The following SLC2A13 variants were observed in gnomAD, a reference collection of about 807,000 sequenced individuals.
SLC2A13 encodes the protein solute carrier family 2 member 13.
In SLC2A13, 32 loss-of-function variants were observed where a neutral mutation model predicts 64.4. That is an observed-to-expected ratio of 0.50 (90% CI 0.37 to 0.67). The LOEUF is 0.67. SLC2A13 is among the 30% of genes least tolerant of loss of function. The pLI is 0.00. For synonymous variants in SLC2A13, 338 were observed against 327.1 expected, an observed-to-expected ratio of 1.03 and a Z score of -0.36; for missense variants, 743 against 829.2, an observed-to-expected ratio of 0.90 and a Z score of 1.28.
At position 40,028,498 on chromosome 12, in the gene SLC2A13, C is replaced by T. The variant is rs1947858296; in HGVS notation, c.728G>A (p.Gly243Glu). 6.2e-7 allele frequency: 1 copy of T among 1,613,464 alleles called. No individual in the cohort carries two copies. Residue 243 changes from glycine to glutamate, a missense_variant, in exon 3 of 10, where the codon GGA becomes GAA. This residue lies in a region of SLC2A13 where 448 missense variants were observed against 447.4 expected (regional missense o/e 1.00). Coordinates refer to ENST00000280871, the MANE Select transcript of SLC2A13 (RefSeq NM_052885.4). ...LQKDGWRYML[G>E]LAAVPAVIQF... The stretch of plus-strand genomic sequence containing the variant: ...TATAACCGCCGGAACTGCTGCAAGT[C>T]CCAACATGTACCTGCAAAGAAAAAA...
intron 1 of SLC2A13, among the ~76,000 whole-genome samples, chr12:40,050,878 T>C (rs1026069234): frequency 5.9e-5 from 9 of 152,170 alleles, no homozygotes; most frequent in African/African-American, 2.2e-4. Flanking sequence ...ATCTATAAAA[T>C]AGGAAGAATA....
chr12:39,901,841 G>A (rs1166668646), intron 4 of SLC2A13, among the ~76,000 whole-genome samples: 1 of 147,510 alleles, frequency 6.8e-6, no homozygotes, highest in Non-Finnish European at 1.5e-5. Context: ...CCCATTACTG[G>A]GTATATACCC....
chr12:40,049,054 A>T (rs1433676689), intron 1 of SLC2A13, among the ~76,000 whole-genome samples: 3 of 152,090 alleles, frequency 2.0e-5, no homozygotes, highest in African/African-American at 7.2e-5. Context: ...GATTTCTTAA[A>T]GTCTCACCCT....
chr12:40,072,251 C>G (rs1348978804), intron 1 of SLC2A13, among the ~76,000 whole-genome samples: 2 of 152,012 alleles, frequency 1.3e-5, no homozygotes, highest in Non-Finnish European at 2.9e-5. Flanking sequence ...TCCATTGTAG[C>G]CTAAGGACAG....
intron 4 of SLC2A13, among the ~76,000 whole-genome samples, chr12:39,890,574 T>C (rs1310256285): frequency 6.6e-6 from 1 of 152,234 alleles, no homozygotes; most frequent in African/African-American, 2.4e-5. Flanking sequence ...CTGTCAGATT[T>C]CTGACATACT....
At chr12:39,843,300 T>C (rs1481555197) in intron 6 of SLC2A13, among the ~76,000 whole-genome samples, 1 of 152,046 alleles carries the variant, frequency 6.6e-6, no homozygotes, top group Non-Finnish European at 1.5e-5. Flanking sequence ...AAATTGTTAA[T>C]TGAAGAATTT....
chr12:40,026,982 A>G (rs867759517), intron 3 of SLC2A13, among the ~76,000 whole-genome samples: 3 of 152,078 alleles, frequency 2.0e-5, no homozygotes, highest in Non-Finnish European at 4.4e-5. Flanking sequence ...CGGGAGGCCG[A>G]GGCAGGAGAA....
In SLC2A13 at chr12:39,757,403, C is replaced by T. The variant is rs1484250937; in HGVS notation, c.*2623G>A. The T allele has an allele frequency of 6.6e-6, 1 of 151,462 alleles. No individual in the cohort carries two copies. The highest frequency in any genetic ancestry group is 2.4e-5 in the African/African-American group (1 of 41,268). The allele number at this position is 151,462 out of a possible 1,614,324, so 9.4% of individuals were successfully genotyped here. On this transcript the variant is annotated 3_prime_UTR_variant, in exon 10 of 10. Transcript: ENST00000280871. ...ATGTTTCCAAGTTGATAGTGGTAGC[C>T]AAATATGCTGGGAACTTAAAAGGTG...
intron 1 of SLC2A13, among the ~76,000 whole-genome samples, chr12:40,091,162 C>A (rs562789965): frequency 6.6e-6 from 1 of 152,190 alleles, no homozygotes; most frequent in Admixed American, 6.5e-5. Context: ...AGAAAAGGTA[C>A]AGTAAAAATG....
intron 4 of SLC2A13, among the ~76,000 whole-genome samples, chr12:39,942,203 G>A (rs1946041850): frequency 6.6e-6 from 1 of 152,052 alleles, no homozygotes; most frequent in Non-Finnish European, 1.5e-5. Flanking sequence ...CTCTTTTTTG[G>A]TTCCATATGA....
At chr12:39,948,804 T>C (rs1946182302) in intron 4 of SLC2A13, among the ~76,000 whole-genome samples, 1 of 152,172 alleles carries the variant, frequency 6.6e-6, no homozygotes, top group African/African-American at 2.4e-5. Context: ...CATAAACATA[T>C]GTGTTATATG....
At chr12:39,785,500 C>T (rs566071054) in intron 7 of SLC2A13, among the ~76,000 whole-genome samples, 2 of 152,326 alleles carry the variant, frequency 1.3e-5, no homozygotes, top group East Asian at 1.9e-4. Context: ...TCATGGAGAA[C>T]CTCTGCTAGG....
At chr12:39,872,033 G>T in intron 4 of SLC2A13, 72 bp from the exon 5 acceptor site, 1 of 1,321,322 alleles carries the variant, frequency 7.6e-7, no homozygotes. Context: ...GATAGAAAAA[G>T]ATGTATTCAA....
At chr12:39,812,624 G>A (rs945789217) in intron 7 of SLC2A13, among the ~76,000 whole-genome samples, 59 of 150,420 alleles carry the variant, frequency 3.9e-4, no homozygotes, top group Non-Finnish European at 5.9e-4. Flanking sequence ...AGGCGCCCAC[G>A]GCTACGCCCG....
intron 4 of SLC2A13, among the ~76,000 whole-genome samples, chr12:39,888,956 C>T (rs1190175736): frequency 6.6e-6 from 1 of 151,996 alleles, no homozygotes; most frequent in African/African-American, 2.4e-5. Context: ...TTCTTGTGAA[C>T]AGTTCAAAGT....
intron 4 of SLC2A13, among the ~76,000 whole-genome samples, chr12:39,889,484 G>A (rs1040452380): frequency 4.7e-5 from 7 of 150,384 alleles, no homozygotes; most frequent in Non-Finnish European, 1.0e-4. Flanking sequence ...CTATTATACA[G>A]AGAAAGTGAG....
chr12:39,957,594 A>G (rs1400677948), intron 3 of SLC2A13, among the ~76,000 whole-genome samples: 1 of 152,110 alleles, frequency 6.6e-6, no homozygotes, highest in Admixed American at 6.5e-5. Context: ...TCCCACATCC[A>G]GGGAGTTGAG....
intron 4 of SLC2A13, among the ~76,000 whole-genome samples, chr12:39,883,852 G>A (rs999980090): frequency 6.6e-6 from 1 of 152,160 alleles, no homozygotes; most frequent in African/African-American, 2.4e-5. Flanking sequence ...CATGCAGGAT[G>A]AAGTGAAAAC....
At chr12:39,870,238 A>G (rs1000015162) in intron 5 of SLC2A13, among the ~76,000 whole-genome samples, 1 of 152,174 alleles carries the variant, frequency 6.6e-6, no homozygotes, top group African/African-American at 2.4e-5. Context: ...CTGGAGTTCT[A>G]TTTAAAAAGA....
Sources: gnomAD v4.1 joint callset for allele counts (sites outside exome capture counted in the v4.1 genomes callset) on GRCh38, gnomAD v4.1.1 for gene constraint, gnomAD v4.1.1 regional missense constraint, MANE v1.5 for transcripts, NCBI Gene and HGNC (gene_info 2026-07-23, HGNC 2026-07-21) for gene names.